The following COL14A1 variants were observed in gnomAD, a reference collection of about 807,000 sequenced individuals.
COL14A1 encodes the protein collagen type XIV alpha 1 chain.
COL14A1 carries 136 observed loss-of-function variants against 230.3 expected under a neutral mutation model. The observed-to-expected ratio is 0.59, with a 90% CI of 0.51 to 0.68. The LOEUF is 0.68. COL14A1 is among the 30% of genes least tolerant of loss of function. The pLI is 0.00. For synonymous variants in COL14A1, 792 were observed against 784.1 expected, an observed-to-expected ratio of 1.01 and a Z score of -0.17; for missense variants, 1,976 against 2,215.8, an observed-to-expected ratio of 0.89 and a Z score of 2.17.
At chr8:120,257,424 C>T (rs1819191054) in intron 23 of COL14A1, among the ~76,000 whole-genome samples, 1 of 152,106 alleles carries the variant, frequency 6.6e-6, no homozygotes, top group Non-Finnish European at 1.5e-5. Flanking sequence ...TAATTGACAA[C>T]TGGAAAAGGA....
At chr8:120,184,835 C>T (rs1335896922) in intron 5 of COL14A1, among the ~76,000 whole-genome samples, 1 of 152,174 alleles carries the variant, frequency 6.6e-6, no homozygotes, top group Non-Finnish European at 1.5e-5. Context: ...TTTTTGTTCT[C>T]TTCAGTCTGC....
chr8:120,203,704 G>GT lies in COL14A1; in HGVS notation c.878-4dup. On this transcript the variant is annotated splice_polypyrimidine_tract_variant and splice_region_variant and intron_variant, in intron 8 of 47. Transcript: ENST00000297848. ...CACCATTCTCTTTTTTGTCCTCTGTGTAAGGGGTGAAAAACGCGGATGTGA... is the reference window on the plus strand; with the variant it reads ...CACCATTCTCTTTTTTGTCCTCTGTGTTAAGGGGTGAAAAACGCGGATGTGA... 10 of 1,613,594 alleles carry GT rather than the reference G, an allele frequency of 6.2e-6. No homozygotes were observed. Among genetic ancestry groups the GT allele is most frequent in the Non-Finnish European group, 8.5e-6 (10 of 1,179,746 alleles).
chr8:120,142,004 A>T (rs535610082), intron 1 of COL14A1, among the ~76,000 whole-genome samples: 155 of 152,224 alleles, frequency 1.0e-3, no homozygotes, highest in Non-Finnish European at 2.0e-3. Flanking sequence ...AAATTCTAGG[A>T]TTACAGGTGT....
chr8:120,162,536 A>G lies in COL14A1; in HGVS notation c.316A>G (p.Lys106Glu). Residue 106 changes from lysine (K) to glutamate (E), a missense_variant, in exon 4 of 48, where the codon AAA (lysine) becomes GAA (glutamate). Lys to Glu is a moderately conservative substitution (Grantham distance 56). Around this residue, in one of 3 missense-constraint regions of COL14A1, gnomAD observed 181 missense variants for 178.6 expected, o/e 1.01. Transcript: ENST00000297848. ...TVQIIAYNKD[K>E]ESKPAQGQFR... ...TCAAATTATTGCATACAATAAAGAT[A>G]AAGAAAGCAAGCCAGCTCAAGGCCA... The G allele has an allele frequency of 1.2e-6, 2 of 1,608,726 alleles. No individual in the cohort carries two copies. Among genetic ancestry groups the G allele is most frequent in the East Asian group, 2.2e-5 (1 of 44,752 alleles).
chr8:120,331,788 A>G (rs2034844), intron 40 of COL14A1, among the ~76,000 whole-genome samples: 80,309 of 152,120 alleles, frequency 0.53, 22,549 homozygotes, highest in African/African-American at 0.74. Context: ...CTCTTAGGTC[A>G]TGAAAGATAC....
Position 120,247,676 on chromosome 8 carries a change from C to G in COL14A1, c.2543C>G (p.Thr848Arg), listed in dbSNP as rs369592872. The G allele has an allele frequency of 1.9e-6, 3 of 1,613,996 alleles. No homozygotes were observed. The highest frequency in any genetic ancestry group is 2.5e-6 in the Non-Finnish European group (3 of 1,180,012). The change falls in exon 21 of 48, where the codon ACG becomes AGG. Residue 848 changes from threonine (T) to arginine (R), a missense_variant. Around this residue, in one of 3 missense-constraint regions of COL14A1, gnomAD observed 1,791 missense variants for 2,019.5 expected, o/e 0.89. Transcript: ENST00000297848. ...SEEWYNRLRI[T>R]WDPPSSPVKG... ...GAATGGTATAACCGGTTGCGCATTA[C>G]GTGGGACCCCCCATCTTCCCCGGTG... is the stretch of plus-strand genomic sequence containing the variant.
Position 120,332,194 on chromosome 8 carries a change from A to C in COL14A1, c.4713A>C (p.Ile1571=), listed in dbSNP as rs746142626. 2 of 1,613,838 alleles carry C rather than the reference A, an allele frequency of 1.2e-6. No homozygotes were observed. Among genetic ancestry groups the C allele is most frequent in the East Asian group, 4.5e-5 (2 of 44,894 alleles). Residue 1571 remains isoleucine (I), a splice_region_variant and synonymous_variant, in exon 41 of 48, where the codon ATA becomes ATC. Transcript: ENST00000297848. ...GACCTCCAGGACCACCAGGGCCAAT[A>C]GTAAGCCTTTCCAGAAACTACTGGG... The part of the protein sequence containing the change: ...SSGPPGPPGP[I]GIPGTPGVPG...
chr8:120,347,066 G>A (rs1822545637), intron 45 of COL14A1, among the ~76,000 whole-genome samples: 2 of 152,106 alleles, frequency 1.3e-5, no homozygotes, highest in Non-Finnish European at 2.9e-5. Flanking sequence ...GTCAATAATG[G>A]AGAAACTGTG....
At chr8:120,342,308 C>T in intron 43 of COL14A1, 72 bp from the exon 44 acceptor site, 1 of 1,477,410 alleles carries the variant, frequency 6.8e-7, no homozygotes, top group South Asian at 1.1e-5. Context: ...AAGTCAGATC[C>T]ACATCCTGGA....
chr8:120,131,916 G>A (rs1404945297), intron 1 of COL14A1, among the ~76,000 whole-genome samples: 3 of 140,544 alleles, frequency 2.1e-5, no homozygotes, highest in African/African-American at 8.0e-5. Context: ...GCGCTATCTC[G>A]GCTCACTGCA....
intron 19 of COL14A1, among the ~76,000 whole-genome samples, chr8:120,234,749 A>T (rs1818385159): frequency 2.0e-5 from 3 of 152,300 alleles, no homozygotes; most frequent in Middle Eastern, 3.4e-3. Context: ...ATCAATGTTC[A>T]TCCAGGGTAT....
chr8:120,184,969 A>G (rs1184792688), intron 5 of COL14A1, among the ~76,000 whole-genome samples: 3 of 152,218 alleles, frequency 2.0e-5, no homozygotes. Context: ...CAGGCACCCC[A>G]TGGCCTAGTC....
At chr8:120,248,917 CTTTTTTTTTTT>C (rs71571673) in intron 21 of COL14A1, among the ~76,000 whole-genome samples, 2,542 of 84,284 alleles carry the variant, frequency 0.03, 130 homozygotes, top group African/African-American at 0.12. Flanking sequence ...TTCAATCTTT[CTTTTTTTTTTT>C]TTTTTTTTTT....
Position 120,172,912 on chromosome 8 carries a change from TA to T in COL14A1, c.436+4667del, listed in dbSNP as rs1356557489. Reference sequence around the variant, plus strand: ...ATGTCTTGATTGATAAATTTCTGGTTAAGGTGAAATCTACCAGATATATATT... The same window carrying T: ...ATGTCTTGATTGATAAATTTCTGGTTAGGTGAAATCTACCAGATATATATT... On this transcript the variant is annotated intron_variant, in intron 5 of 47. Transcript: ENST00000297848. 3.9e-5 allele frequency among the ~76,000 whole-genome samples: 6 copies of T among 152,234 alleles called. No homozygotes were observed. In the East Asian group the frequency reaches 1.2e-3, roughly 29 times the overall value.
At chr8:120,337,401 T>TAAAAAAAAAAAAAAAAGAAAAAAAAA (rs1822117639) in intron 42 of COL14A1, among the ~76,000 whole-genome samples, 1 of 129,460 alleles carries the variant, frequency 7.7e-6, no homozygotes, top group Non-Finnish European at 1.6e-5. Context: ...GTCTCAAAAT[T>TAAAAAAAAAAAAAAAAGAAAAAAAAA]AAAAAAAAAA....
At chr8:120,272,598 A>T (rs182439952) in intron 26 of COL14A1, among the ~76,000 whole-genome samples, 236 of 151,850 alleles carry the variant, frequency 1.6e-3, no homozygotes, top group Non-Finnish European at 2.5e-3. Context: ...GGGGTAAAAG[A>T]AGATATTCCA....
At chr8:120,284,068 G>A (rs1441406078) in intron 32 of COL14A1, among the ~76,000 whole-genome samples, 1 of 152,178 alleles carries the variant, frequency 6.6e-6, no homozygotes, top group African/African-American at 2.4e-5. Flanking sequence ...TACAGACAGA[G>A]CAAGGCCCTT....
chr8:120,329,560 T>G (rs1370118337), intron 40 of COL14A1, among the ~76,000 whole-genome samples: 1 of 152,096 alleles, frequency 6.6e-6, no homozygotes, highest in East Asian at 1.9e-4. Context: ...TGAGTCATGA[T>G]TGTGCCACTG....
chr8:120,267,971 T>C (rs1819546718), intron 25 of COL14A1, among the ~76,000 whole-genome samples: 3 of 151,782 alleles, frequency 2.0e-5, no homozygotes, highest in Admixed American at 1.3e-4. Flanking sequence ...AAGTGCCTGT[T>C]ACATACCAGG....
Sources: gnomAD v4.1 joint callset for allele counts (sites outside exome capture counted in the v4.1 genomes callset) on GRCh38, gnomAD v4.1.1 for gene constraint, gnomAD v4.1.1 regional missense constraint, MANE v1.5 for transcripts, NCBI Gene and HGNC (gene_info 2026-07-23, HGNC 2026-07-21) for gene names.